OR5J2: variants seen among roughly 807,000 people sequenced by gnomAD.
OR5J2 encodes olfactory receptor family 5 subfamily J member 2.
Under a neutral mutation model 6.7 loss-of-function variants are expected in OR5J2, and 4 were observed. That is an observed-to-expected ratio of 0.60 (90% confidence interval 0.29 to 1.37). The LOEUF is 1.37. OR5J2 is among the 40% of genes most tolerant of loss of function. OR5J2 has a pLI of 0.09. For synonymous variants in OR5J2, 174 were observed against 140.4 expected, an observed-to-expected ratio of 1.24 and a Z score of -1.69; for missense variants, 415 against 366.4, an observed-to-expected ratio of 1.13 and a Z score of -1.08.
chr11:56,176,679 C>T lies in OR5J2; in HGVS notation c.62C>T (p.Ala21Val), dbSNP rs750959875. 4.8e-5 allele frequency: 77 copies of T among 1,613,716 alleles called. No homozygotes were observed. The highest frequency in any genetic ancestry group is 6.4e-5 in the Non-Finnish European group (75 of 1,179,804). The change falls in exon 1 of 1, where the codon GCT becomes GTT. Residue 21 changes from alanine to valine, a missense_variant. Transcript: ENST00000312298. Reference sequence around the variant, plus strand: ...ATTCTTTTGGGATTGACAGATCATGCTGAACTAAAAGCTGTGCTTTTTGTG... The same window carrying T: ...ATTCTTTTGGGATTGACAGATCATGTTGAACTAAAAGCTGTGCTTTTTGTG... ...EFILLGLTDH[A>V]ELKAVLFVVF...
rs775020318 is a variant in OR5J2, at chr11:56,176,724, C to T, written c.107C>T (p.Ala36Val). ...VLFVVFLVIYAITLLRNLGMI... is the reference protein window; with the variant it reads ...VLFVVFLVIYVITLLRNLGMI... The stretch of plus-strand genomic sequence containing the variant: ...TTTGTGGTGTTCCTGGTGATTTACG[C>T]CATTACCTTGTTGAGGAATCTGGGC... The change falls in exon 1 of 1, where the codon GCC becomes GTC. Residue 36 changes from alanine (A) to valine (V), a missense_variant. Transcript: ENST00000312298. 3.1e-6 allele frequency: 5 copies of T among 1,613,664 alleles called. No individual in the cohort carries two copies. In the African/African-American group the frequency reaches 4.0e-5, roughly 13 times the overall value.
Position 56,177,178 on chromosome 11 carries a change from G to A in OR5J2, c.561G>A (p.Leu187=). The A allele has an allele frequency of 1.2e-6, 2 of 1,614,092 alleles. No homozygotes were observed. The highest frequency in any genetic ancestry group is 2.2e-5 in the South Asian group (2 of 91,082). The change falls in exon 1 of 1, where the codon CTG becomes CTA. Residue 187 remains leucine (L), a synonymous_variant. Transcript: ENST00000312298. ...FFCDIPSLLK[L]SCSDTSMNEL... is the part of the protein sequence containing the mutation. ...GTGACATTCCTTCACTGCTAAAGCT[G>A]TCATGTTCTGACACCTCCATGAATG...
At position 56,176,646 on chromosome 11, in the gene OR5J2, C is replaced by G; in HGVS notation, c.29C>G (p.Thr10Ser). The change falls in exon 1 of 1, where the codon ACT becomes AGT. Residue 10 changes from threonine to serine, a missense_variant. Coordinates refer to ENST00000312298, the MANE Select transcript of OR5J2 (RefSeq NM_001005492.1). ...GCTGATGATAATTTTACAGTTGTCA[C>G]TGAGTTTATTCTTTTGGGATTGACA... is the stretch of plus-strand genomic sequence containing the variant. The part of the protein sequence containing the change: MADDNFTVV[T>S]EFILLGLTDH... The G allele has an allele frequency of 6.2e-6, 10 of 1,608,218 alleles. No homozygotes were observed. Among genetic ancestry groups the G allele is most frequent in the Non-Finnish European group, 7.7e-6 (9 of 1,176,138 alleles).
At position 56,176,793 on chromosome 11, in the gene OR5J2, T is replaced by C. The variant is rs745327065; in HGVS notation, c.176T>C (p.Met59Thr). The C allele has an allele frequency of 1.2e-5, 19 of 1,614,108 alleles. No individual in the cohort carries two copies. Among genetic ancestry groups the C allele is most frequent in the Non-Finnish European group, 1.6e-5 (19 of 1,179,978 alleles). ...ATCACCTCCAAACTCCACACACCCA[T>C]GTACTTTTTACTCAGCTGTCTTTCA... Reference protein sequence around the residue: ...IQITSKLHTPMYFLLSCLSFV... With the variant: ...IQITSKLHTPTYFLLSCLSFV... Residue 59 changes from methionine to threonine, a missense_variant, in exon 1 of 1, where the codon ATG becomes ACG. Coordinates refer to ENST00000312298, the MANE Select transcript of OR5J2 (RefSeq NM_001005492.1).
In OR5J2 at chr11:56,177,054, C is replaced by T. The variant is rs138599396; in HGVS notation, c.437C>T (p.Thr146Ile). The T allele has an allele frequency of 8.7e-6, 14 of 1,613,946 alleles. No individual in the cohort carries two copies. The African/African-American group carries it at 1.9e-4, about 22-fold the overall frequency. ...MSDRKCVELV[T>I]GSWIGGIVNT... ...GATAGAAAGTGTGTGGAGCTTGTCA[C>T]AGGATCATGGATAGGTGGAATAGTT... The change falls in exon 1 of 1, where the codon ACA becomes ATA. Residue 146 changes from threonine to isoleucine, a missense_variant. Thr to Ile is a moderately conservative substitution (Grantham distance 89). Transcript: ENST00000312298.
chr11:56,177,142 C>A lies in OR5J2; in HGVS notation c.525C>A (p.Ser175Arg). 1.9e-6 allele frequency: 3 copies of A among 1,614,102 alleles called. No homozygotes were observed. The highest frequency in any genetic ancestry group is 1.7e-6 in the Non-Finnish European group (2 of 1,179,988). The change falls in exon 1 of 1, where the codon AGC becomes AGA. Residue 175 changes from serine to arginine, a missense_variant. Transcript: ENST00000312298. ...RLSFCRLNAV[S>R]HFFCDIPSLL... ...CCTTTTGTAGGCTAAATGCTGTCAGCCACTTCTTCTGTGACATTCCTTCAC... is the reference window on the plus strand; with the variant it reads ...CCTTTTGTAGGCTAAATGCTGTCAGACACTTCTTCTGTGACATTCCTTCAC...
chr11:56,176,692 T>C lies in OR5J2; in HGVS notation c.75T>C (p.Ala25=). The C allele has an allele frequency of 6.2e-7, 1 of 1,613,644 alleles. No homozygotes were observed. Among genetic ancestry groups the C allele is most frequent in the Non-Finnish European group, 8.5e-7 (1 of 1,179,568 alleles). The part of the protein sequence containing the change: ...LGLTDHAELK[A]VLFVVFLVIY... ...TGACAGATCATGCTGAACTAAAAGCTGTGCTTTTTGTGGTGTTCCTGGTGA... is the reference window on the plus strand; with the variant it reads ...TGACAGATCATGCTGAACTAAAAGCCGTGCTTTTTGTGGTGTTCCTGGTGA... The change falls in exon 1 of 1, where the codon GCT becomes GCC. Residue 25 remains alanine (A), a synonymous_variant. Transcript: ENST00000312298.
At position 56,176,919 on chromosome 11, in the gene OR5J2, A is replaced by G. The variant is rs1170787271; in HGVS notation, c.302A>G (p.His101Arg). ...TCTTTCTCTGCTTGCATGGTACAGCATTTGTGTTTCGGAGTGTTCATCACC... is the reference window on the plus strand; with the variant it reads ...TCTTTCTCTGCTTGCATGGTACAGCGTTTGTGTTTCGGAGTGTTCATCACC... ...TISFSACMVQ[H>R]LCFGVFITTE... The change falls in exon 1 of 1, where the codon CAT becomes CGT. Residue 101 changes from histidine to arginine, a missense_variant. Physicochemically the swap from His to Arg is conservative, Grantham distance 29. Coordinates refer to ENST00000312298, the MANE Select transcript of OR5J2 (RefSeq NM_001005492.1). 7.4e-6 allele frequency: 12 copies of G among 1,613,984 alleles called. No individual in the cohort carries two copies. The highest frequency in any genetic ancestry group is 1.0e-5 in the Non-Finnish European group (12 of 1,180,002).
rs571119217 is a variant in OR5J2 at position 56,176,844 on chromosome 11, C to T, written c.227C>T (p.Ala76Val). ...TTTGTGGATGCCTGCTATTCATCTGCAATTGCACCCAAAATGCTGGTGAAC... is the reference window on the plus strand; with the variant it reads ...TTTGTGGATGCCTGCTATTCATCTGTAATTGCACCCAAAATGCTGGTGAAC... ...LSFVDACYSS[A>V]IAPKMLVNLL... The change falls in exon 1 of 1, where the codon GCA (alanine) becomes GTA (valine). Residue 76 changes from alanine (A) to valine (V), a missense_variant. Ala to Val is a moderately conservative substitution (Grantham distance 64). Coordinates refer to ENST00000312298, the MANE Select transcript of OR5J2 (RefSeq NM_001005492.1). The T allele has an allele frequency of 7.4e-6, 12 of 1,613,910 alleles. No homozygotes were observed. Among genetic ancestry groups the T allele is most frequent in the South Asian group, 1.1e-5 (1 of 91,080 alleles).
chr11:56,177,323 C>A lies in OR5J2; in HGVS notation c.706C>A (p.Gln236Lys), dbSNP rs548534792. The A allele has an allele frequency of 4.3e-6, 7 of 1,613,764 alleles. No homozygotes were observed. The highest frequency in any genetic ancestry group is 5.9e-6 in the Non-Finnish European group (7 of 1,179,832). The change falls in exon 1 of 1, where the codon CAA becomes AAA. Residue 236 changes from glutamine (Q) to lysine (K), a missense_variant. Gln to Lys is a moderately conservative substitution (Grantham distance 53, BLOSUM62 1). Transcript: ENST00000312298. Reference sequence around the variant, plus strand: ...GATCCACTCAGCATCAGGCAGACAGCAAGCCTTCTCCACCTGTGCCTCTCA... The same window carrying A: ...GATCCACTCAGCATCAGGCAGACAGAAAGCCTTCTCCACCTGTGCCTCTCA... ...LRIHSASGRQQAFSTCASHLT... is the reference protein window; with the variant it reads ...LRIHSASGRQKAFSTCASHLT...
In OR5J2 at chr11:56,177,220, C is replaced by T. The variant is rs770684787; in HGVS notation, c.603C>T (p.Thr201=). ...CCATGAATGAGTTGTTGCTGTTAAC[C>T]TTCTCCGGAGTCATTGCCATGGCCA... The part of the protein sequence containing the change: ...DTSMNELLLL[T]FSGVIAMATF... Residue 201 remains threonine, a synonymous_variant, in exon 1 of 1, where the codon ACC becomes ACT. Coordinates refer to ENST00000312298, the MANE Select transcript of OR5J2 (RefSeq NM_001005492.1). 6 of 1,613,948 alleles carry T rather than the reference C, an allele frequency of 3.7e-6. No homozygotes were observed. Among genetic ancestry groups the T allele is most frequent in the South Asian group, 2.2e-5 (2 of 91,082 alleles).
At position 56,177,067 on chromosome 11, in the gene OR5J2, A is replaced by G; in HGVS notation, c.450A>G (p.Ile150Met). 6.2e-7 allele frequency: 1 copy of G among 1,614,086 alleles called. No homozygotes were observed. The highest frequency in any genetic ancestry group is 8.5e-7 in the Non-Finnish European group (1 of 1,179,942). The change falls in exon 1 of 1, where the codon ATA becomes ATG. Residue 150 changes from isoleucine (I) to methionine (M), a missense_variant. Coordinates refer to ENST00000312298, the MANE Select transcript of OR5J2 (RefSeq NM_001005492.1). ...KCVELVTGSW[I>M]GGIVNTLIHT... ...TGGAGCTTGTCACAGGATCATGGAT[A>G]GGTGGAATAGTTAACACATTAATCC...
chr11:56,177,291 G>T lies in OR5J2; in HGVS notation c.674G>T (p.Ser225Ile), dbSNP rs199679290. 75 of 1,613,952 alleles carry T rather than the reference G, an allele frequency of 4.6e-5. No homozygotes were observed. Among genetic ancestry groups the T allele is most frequent in the South Asian group, 1.1e-5 (1 of 91,086 alleles). The change falls in exon 1 of 1, where the codon AGC (serine) becomes ATC (isoleucine). Residue 225 changes from serine to isoleucine, a missense_variant. Transcript: ENST00000312298. Reference sequence around the variant, plus strand: ...TCCTACATCTTCATTGCTTTTGCTAGCCTAAGGATCCACTCAGCATCAGGC... The same window carrying T: ...TCCTACATCTTCATTGCTTTTGCTATCCTAAGGATCCACTCAGCATCAGGC... Reference protein sequence around the residue: ...IISYIFIAFASLRIHSASGRQ... With the variant: ...IISYIFIAFAILRIHSASGRQ...
rs1852544959 is a variant in OR5J2 at position 56,177,045 on chromosome 11, A to G, written c.428A>G (p.Glu143Gly). 6.2e-7 allele frequency: 1 copy of G among 1,613,906 alleles called. No individual in the cohort carries two copies. The highest frequency in any genetic ancestry group is 1.3e-5 in the African/African-American group (1 of 74,884). ...TVAMSDRKCV[E>G]LVTGSWIGGI... ...GCCATGTCTGATAGAAAGTGTGTGGAGCTTGTCACAGGATCATGGATAGGT... is the reference window on the plus strand; with the variant it reads ...GCCATGTCTGATAGAAAGTGTGTGGGGCTTGTCACAGGATCATGGATAGGT... The change falls in exon 1 of 1, where the codon GAG becomes GGG. Residue 143 changes from glutamate to glycine, a missense_variant. Transcript: ENST00000312298.
In OR5J2 at chr11:56,176,766, A is replaced by T. The variant is rs147138458; in HGVS notation, c.149A>T (p.Gln50Leu). The T allele has an allele frequency of 1.6e-3, 2,630 of 1,614,076 alleles. 17 individuals carry two copies. Among genetic ancestry groups the T allele is most frequent in the Middle Eastern group, 9.9e-3 (60 of 6,062 alleles). The change falls in exon 1 of 1, where the codon CAA (glutamine) becomes CTA (leucine). Residue 50 changes from glutamine to leucine, a missense_variant. Transcript: ENST00000312298. The part of the protein sequence containing the change: ...LRNLGMILLI[Q>L]ITSKLHTPMY... The stretch of plus-strand genomic sequence containing the variant: ...AATCTGGGCATGATCCTCTTAATCC[A>T]AATCACCTCCAAACTCCACACACCC...
Position 56,177,068 on chromosome 11 carries a change from G to T in OR5J2, c.451G>T (p.Gly151Cys). Residue 151 changes from glycine to cysteine, a missense_variant, in exon 1 of 1, where the codon GGT (glycine) becomes TGT (cysteine). Gly to Cys is a radical substitution (Grantham distance 159). Coordinates refer to ENST00000312298, the MANE Select transcript of OR5J2 (RefSeq NM_001005492.1). ...CVELVTGSWI[G>C]GIVNTLIHTI... Reference sequence around the variant, plus strand: ...GGAGCTTGTCACAGGATCATGGATAGGTGGAATAGTTAACACATTAATCCA... The same window carrying T: ...GGAGCTTGTCACAGGATCATGGATATGTGGAATAGTTAACACATTAATCCA... 6.2e-7 allele frequency: 1 copy of T among 1,613,972 alleles called. No individual in the cohort carries two copies. The highest frequency in any genetic ancestry group is 8.5e-7 in the Non-Finnish European group (1 of 1,179,918).
Position 56,177,250 on chromosome 11 carries a change from C to T in OR5J2, c.633C>T (p.Phe211=), listed in dbSNP as rs1404669463. 4 of 1,614,082 alleles carry T rather than the reference C, an allele frequency of 2.5e-6. No individual in the cohort carries two copies. Among genetic ancestry groups the T allele is most frequent in the Admixed American group, 3.3e-5 (2 of 59,994 alleles). The change falls in exon 1 of 1, where the codon TTC becomes TTT. Residue 211 remains phenylalanine (F), a synonymous_variant. Transcript: ENST00000312298. ...CCGGAGTCATTGCCATGGCCACCTT[C>T]TTGACTGTGATCATTTCCTACATCT... The part of the protein sequence containing the change: ...TFSGVIAMAT[F]LTVIISYIFI...
rs769718571 is a variant in OR5J2, at chr11:56,176,706, T to C, written c.89T>C (p.Val30Ala). The change falls in exon 1 of 1, where the codon GTG (valine) becomes GCG (alanine). Residue 30 changes from valine to alanine, a missense_variant. By Grantham distance (64) the Val-to-Ala change is moderately conservative. Coordinates refer to ENST00000312298, the MANE Select transcript of OR5J2 (RefSeq NM_001005492.1). ...HAELKAVLFV[V>A]FLVIYAITLL... ...GAACTAAAAGCTGTGCTTTTTGTGG[T>C]GTTCCTGGTGATTTACGCCATTACC... is the stretch of plus-strand genomic sequence containing the variant. 23 of 1,613,866 alleles carry C rather than the reference T, an allele frequency of 1.4e-5. No homozygotes were observed. Among genetic ancestry groups the C allele is most frequent in the Non-Finnish European group, 1.8e-5 (21 of 1,179,890 alleles).
rs1459939988 is a variant in OR5J2, at chr11:56,177,099, T to G, written c.482T>G (p.Ile161Ser). ...GGIVNTLIHTISLRRLSFCRL... is the reference protein window; with the variant it reads ...GGIVNTLIHTSSLRRLSFCRL... ...ATAGTTAACACATTAATCCACACAA[T>G]CAGCTTGAGGAGACTGTCCTTTTGT... Residue 161 changes from isoleucine (I) to serine (S), a missense_variant, in exon 1 of 1, where the codon ATC (isoleucine) becomes AGC (serine). Coordinates refer to ENST00000312298, the MANE Select transcript of OR5J2 (RefSeq NM_001005492.1). 3.7e-6 allele frequency: 6 copies of G among 1,614,002 alleles called. No individual in the cohort carries two copies. Among genetic ancestry groups the G allele is most frequent in the African/African-American group, 2.7e-5 (2 of 74,900 alleles).
Sources: allele counts gnomAD v4.1 joint callset, GRCh38; gene constraint gnomAD v4.1.1; transcripts MANE v1.5; gene names NCBI Gene and HGNC (gene_info 2026-07-23, HGNC 2026-07-21).